GALK2: variants seen among roughly 807,000 people sequenced by gnomAD.
GALK2 encodes galactokinase 2, also known as N-acetylgalactosamine kinase.
Under a neutral mutation model 52.4 loss-of-function variants are expected in GALK2, and 36 were observed. The observed-to-expected ratio is 0.69, with a 90% CI of 0.53 to 0.91. The LOEUF (loss-of-function observed/expected upper bound fraction) is 0.91. Among genes scored for constraint, GALK2 ranks in the 40% least tolerant of loss-of-function variants. The pLI is 0.00. For missense variants in GALK2, 579 were observed against 559.1 expected (o/e 1.04, Z -0.36); for synonymous variants, 176 against 199.1 (o/e 0.88, Z 0.98).
chr15:49,314,865 G>A (rs2036273930), intron 8 of GALK2, among the ~76,000 whole-genome samples: 1 of 152,218 alleles, frequency 6.6e-6, no homozygotes, highest in African/African-American at 2.4e-5. Context: ...ACCACAAGAA[G>A]GAACCAGCCA....
chr15:49,195,531 G>A (rs931135239), intron 1 of GALK2, among the ~76,000 whole-genome samples: 5 of 151,644 alleles, frequency 3.3e-5, no homozygotes, highest in Non-Finnish European at 5.9e-5. Flanking sequence ...TTTTGTTTTC[G>A]CATATGAAGT....
At chr15:49,260,157 C>G (rs1340250845) in intron 5 of GALK2, among the ~76,000 whole-genome samples, 1 of 152,208 alleles carries the variant, frequency 6.6e-6, no homozygotes, top group East Asian at 1.9e-4. Context: ...AATCGCCACA[C>G]AGACTTCCAC....
At chr15:49,213,363 T>C (rs983385792) in intron 2 of GALK2, among the ~76,000 whole-genome samples, 1 of 152,160 alleles carries the variant, frequency 6.6e-6, no homozygotes, top group Non-Finnish European at 1.5e-5. Flanking sequence ...AAAATTTTAC[T>C]TTAAGTTCTG....
At chr15:49,336,836 G>A (rs1423016590), downstream of GALK2, among the ~76,000 whole-genome samples, 1 of 152,138 alleles carries the variant, frequency 6.6e-6, no homozygotes, top group African/African-American at 2.4e-5. Context: ...ATGATAGATA[G>A]TTTTTCAACA....
rs759075770 is a variant in GALK2 at position 49,235,823 on chromosome 15, A to G, written c.267-28A>G. 10 of 1,507,828 alleles carry G rather than the reference A, an allele frequency of 6.6e-6. No individual in the cohort carries two copies. In the African/African-American group the frequency reaches 1.4e-4, roughly 21 times the overall value. The allele number at this position is 1,507,828 out of a possible 1,614,324, so 93.4% of individuals were successfully genotyped here. ...TTGCAGCTCAAGGCCTACAGATTTT[A>G]AATTAATGGTGTCTTTTGTCTTCGC... On this transcript the variant is annotated intron_variant, in intron 3 of 9. Coordinates refer to ENST00000560031, the MANE Select transcript of GALK2 (RefSeq NM_002044.4).
chr15:49,183,399 TCTTAA>T (rs1277661064), intron 1 of GALK2, among the ~76,000 whole-genome samples: 1 of 152,222 alleles, frequency 6.6e-6, no homozygotes, highest in African/African-American at 2.4e-5. Flanking sequence ...TAAATTTTCT[TCTTAA>T]CTTATTCATT....
downstream of GALK2, among the ~76,000 whole-genome samples, chr15:49,333,435 G>T (rs776285011): frequency 1.3e-4 from 20 of 152,132 alleles, no homozygotes; most frequent in Non-Finnish European, 2.9e-4. Flanking sequence ...GTTACTCTGA[G>T]AATTGTCCTA....
intron 5 of GALK2, among the ~76,000 whole-genome samples, chr15:49,271,783 T>C (rs906076662): frequency 3.9e-5 from 6 of 152,224 alleles, no homozygotes; most frequent in Non-Finnish European, 7.4e-5. Context: ...TAGCCCTATA[T>C]TGAGATCACT....
intron 2 of GALK2, among the ~76,000 whole-genome samples, chr15:49,210,973 TCACACACA>T (rs3075099): frequency 3.3e-4 from 48 of 146,648 alleles, no homozygotes; most frequent in East Asian, 9.9e-4. Context: ...ACACACACAC[TCACACACA>T]CACACACACA....
intron 3 of GALK2, among the ~76,000 whole-genome samples, chr15:49,340,379 G>A (rs1222758338): frequency 6.6e-6 from 1 of 150,394 alleles, no homozygotes; most frequent in Admixed American, 6.6e-5. Flanking sequence ...GGCCCCTTGT[G>A]CTTCCTGGGT....
At chr15:49,277,646 A>G (rs959230895) in intron 5 of GALK2, among the ~76,000 whole-genome samples, 6 of 149,796 alleles carry the variant, frequency 4.0e-5, no homozygotes, top group African/African-American at 1.5e-4. Flanking sequence ...AAATACAAAA[A>G]TTAGCCGGGC....
chr15:49,265,535 A>C (rs1271006320), intron 5 of GALK2, among the ~76,000 whole-genome samples: 2 of 152,220 alleles, frequency 1.3e-5, no homozygotes, highest in African/African-American at 4.8e-5. Flanking sequence ...GAGTGAGGCA[A>C]TGCCTCGCCC....
Position 49,265,517 on chromosome 15 carries a change from C to G in GALK2, c.505-16470C>G, listed in dbSNP as rs141913878. Reference sequence around the variant, plus strand: ...GGAAAGGGAACTCCCTGACCCGTTGCGCTTCCCGAGTGAGGCAATGCCTCG... The same window carrying G: ...GGAAAGGGAACTCCCTGACCCGTTGGGCTTCCCGAGTGAGGCAATGCCTCG... On this transcript the variant is annotated intron_variant, in intron 5 of 9. Transcript: ENST00000560031. 5.7e-3 allele frequency among the ~76,000 whole-genome samples: 869 copies of G among 152,334 alleles called. 3 individuals carry two copies. The highest frequency in any genetic ancestry group is 9.9e-3 in the Non-Finnish European group (676 of 68,024).
intron 3 of GALK2, chr15:49,223,102 T>TAAA (rs2089920032): frequency 6.6e-6 from 1 of 152,204 alleles, no homozygotes; most frequent in African/African-American, 2.4e-5. Context: ...TTCTTCCTGA[T>TAAA]TTAATCTTGG....
intron 5 of GALK2, among the ~76,000 whole-genome samples, chr15:49,264,895 G>A (rs1226742981): frequency 5.9e-5 from 9 of 152,292 alleles, no homozygotes; most frequent in African/African-American, 1.2e-4. Flanking sequence ...GCGGATTTTC[G>A]TGAACCGCGA....
intron 1 of GALK2, among the ~76,000 whole-genome samples, chr15:49,157,823 T>G (rs2084511546): frequency 6.6e-6 from 1 of 152,012 alleles, no homozygotes; most frequent in Non-Finnish European, 1.5e-5. Flanking sequence ...TGAGTAAGAG[T>G]GTGTGAGTTT....
At chr15:49,264,566 C>T (rs2141651289) in intron 5 of GALK2, among the ~76,000 whole-genome samples, 1 of 152,330 alleles carries the variant, frequency 6.6e-6, no homozygotes. Context: ...GCCTTCTTCT[C>T]TCAGCTCGTC....
chr15:49,290,752 G>C (rs1245812092), intron 7 of GALK2, among the ~76,000 whole-genome samples: 1 of 152,178 alleles, frequency 6.6e-6, no homozygotes, highest in Non-Finnish European at 1.5e-5. Flanking sequence ...TTACTGGAAT[G>C]TTCACTTCTA....
At chr15:49,259,078 TCTC>T (rs2091961779) in intron 5 of GALK2, among the ~76,000 whole-genome samples, 3 of 151,806 alleles carry the variant, frequency 2.0e-5, no homozygotes, top group Admixed American at 6.6e-5. Context: ...GTGAAAATTT[TCTC>T]CTATTTTGTA....
Sources: gnomAD v4.1 joint callset for allele counts (sites outside exome capture counted in the v4.1 genomes callset) on GRCh38, gnomAD v4.1.1 for gene constraint, MANE v1.5 for transcripts, NCBI Gene and HGNC (gene_info 2026-07-23, HGNC 2026-07-21) for gene names.